The following GRID1 variants were observed in gnomAD, a reference collection of about 807,000 sequenced individuals.
GRID1 encodes glutamate receptor ionotropic, delta-1.
GRID1 carries 28 observed loss-of-function variants against 98.0 expected under a neutral mutation model. The ratio of observed to expected loss-of-function variants is 0.29; its 90% CI spans 0.21 to 0.39. The LOEUF (loss-of-function observed/expected upper bound fraction) is 0.39. Ranked by LOEUF, GRID1 falls within the 10% of genes least tolerant of loss-of-function variation. GRID1 has a pLI of 1.00. For synonymous variants in GRID1, 553 were observed against 538.5 expected (o/e 1.03, Z -0.37); for missense variants, 1,111 against 1,340.5 (o/e 0.83, Z 2.67).
chr10:85,987,829 C>T (rs1012431593), intron 4 of GRID1, among the ~76,000 whole-genome samples: 3 of 151,824 alleles, frequency 2.0e-5, no homozygotes, highest in Non-Finnish European at 4.4e-5. Flanking sequence ...CCCAGCAACA[C>T]CATTTCACAT....
intron 3 of GRID1, among the ~76,000 whole-genome samples, chr10:86,191,565 G>A (rs1195661700): frequency 6.6e-6 from 1 of 151,876 alleles, no homozygotes; most frequent in East Asian, 1.9e-4. Context: ...GCATGGTCAG[G>A]AGACTCAGGC....
At chr10:86,105,794 T>A (rs1284839349) in intron 4 of GRID1, among the ~76,000 whole-genome samples, 1 of 152,206 alleles carries the variant, frequency 6.6e-6, no homozygotes, top group Non-Finnish European at 1.5e-5. Context: ...GAGTGAAGTC[T>A]GCACCCTGAG....
At chr10:86,070,408 G>A (rs1467123603) in intron 4 of GRID1, among the ~76,000 whole-genome samples, 3 of 152,174 alleles carry the variant, frequency 2.0e-5, no homozygotes, top group Non-Finnish European at 4.4e-5. Flanking sequence ...CTTCCATAGG[G>A]AGGCTATTTC....
chr10:85,794,193 T>C (rs1286667742), intron 8 of GRID1, among the ~76,000 whole-genome samples: 8 of 152,196 alleles, frequency 5.3e-5, no homozygotes, highest in Non-Finnish European at 1.0e-4. Context: ...CTGAGGTTAT[T>C]TGGTTAGCCT....
At chr10:85,611,468 A>G (rs1842732136) in intron 15 of GRID1, among the ~76,000 whole-genome samples, 2 of 152,160 alleles carry the variant, frequency 1.3e-5, no homozygotes, top group Admixed American at 1.3e-4. Flanking sequence ...TGCAATTTTC[A>G]TCCACCTGGA....
intron 2 of GRID1, among the ~76,000 whole-genome samples, chr10:86,280,593 C>T (rs1847342852): frequency 6.6e-6 from 1 of 151,336 alleles, no homozygotes; most frequent in Non-Finnish European, 1.5e-5. Flanking sequence ...GCTTCCACCT[C>T]TCCTCCCTTC....
intron 4 of GRID1, among the ~76,000 whole-genome samples, chr10:85,935,519 G>T (rs1448913504): frequency 6.6e-6 from 1 of 152,194 alleles, no homozygotes; most frequent in African/African-American, 2.4e-5. Context: ...GCTGGGACAT[G>T]GGAGCTGCTT....
At position 86,099,317 on chromosome 10, in the gene GRID1, T is replaced by C. The variant is rs1329026595; in HGVS notation, c.726+39502A>G. Among the ~76,000 whole-genome samples, 3 of 152,168 alleles carry C rather than the reference T, an allele frequency of 2.0e-5. No individual in the cohort carries two copies. The East Asian group carries it at 5.8e-4, about 29-fold the overall frequency. ...GTGACTGCTCTATAAATCCTTCATTTCACAAACACATGCAGATGCTGTTGG... is the reference window on the plus strand; with the variant it reads ...GTGACTGCTCTATAAATCCTTCATTCCACAAACACATGCAGATGCTGTTGG... On this transcript the variant is annotated intron_variant, in intron 4 of 15. Transcript: ENST00000327946.
At chr10:85,840,761 C>A (rs1482311794) in intron 8 of GRID1, among the ~76,000 whole-genome samples, 1 of 151,992 alleles carries the variant, frequency 6.6e-6, no homozygotes, top group Non-Finnish European at 1.5e-5. Flanking sequence ...GAATAAAATA[C>A]CAAGGAATAC....
intron 2 of GRID1, among the ~76,000 whole-genome samples, chr10:86,292,934 G>A (rs1847537115): frequency 6.6e-6 from 1 of 152,128 alleles, no homozygotes; most frequent in Non-Finnish European, 1.5e-5. Flanking sequence ...AGAGATGGAT[G>A]GGGGCAGATG....
chr10:86,045,243 T>C (rs1843406561), intron 4 of GRID1, among the ~76,000 whole-genome samples: 1 of 152,204 alleles, frequency 6.6e-6, no homozygotes, highest in African/African-American at 2.4e-5. Context: ...GTTATGCAAC[T>C]ATTAATGGCA....
chr10:86,257,316 A>T (rs1305812717), intron 2 of GRID1, among the ~76,000 whole-genome samples: 1 of 152,216 alleles, frequency 6.6e-6, no homozygotes, highest in Admixed American at 6.5e-5. Flanking sequence ...AGTTTTATCA[A>T]TGACTGCAGA....
Position 86,145,547 on chromosome 10 carries a change from T to TACACACACACACACACATACAC in GRID1, c.521-6524_521-6523insGTGTATGTGTGTGTGTGTGTGT, listed in dbSNP as rs1554855905. ...TGCCCACTCCTGGACATCCTCCACA[T>TACACACACACACACACATACAC]ACACACACACACACACACACACACC... On this transcript the variant is annotated intron_variant, in intron 3 of 15. Coordinates refer to ENST00000327946, the MANE Select transcript of GRID1 (RefSeq NM_017551.3). 2.1e-4 allele frequency among the ~76,000 whole-genome samples: 31 copies of TACACACACACACACACATACAC among 145,704 alleles called. No individual in the cohort carries two copies. The South Asian group carries it at 5.4e-3, about 25-fold the overall frequency.
intron 8 of GRID1, among the ~76,000 whole-genome samples, chr10:85,737,090 T>C (rs1025004366): frequency 6.6e-6 from 1 of 152,098 alleles, no homozygotes; most frequent in Non-Finnish European, 1.5e-5. Flanking sequence ...ATCTCAGGCA[T>C]GTGTATAGGA....
intron 12 of GRID1, among the ~76,000 whole-genome samples, chr10:85,718,040 C>G (rs1841659688): frequency 6.6e-6 from 1 of 152,224 alleles, no homozygotes; most frequent in African/African-American, 2.4e-5. Context: ...AGGGTACAGC[C>G]TCCCTCATGG....
At chr10:85,716,842 A>T (rs1023863767) in intron 12 of GRID1, among the ~76,000 whole-genome samples, 1 of 152,008 alleles carries the variant, frequency 6.6e-6, no homozygotes, top group African/African-American at 2.4e-5. Context: ...AACTCAAATA[A>T]GCTAGGCACA....
In GRID1 at chr10:85,675,993, C is replaced by T. The variant is rs572157171; in HGVS notation, c.1998-28596G>A. On this transcript the variant is annotated intron_variant, in intron 12 of 15. Coordinates refer to ENST00000327946, the MANE Select transcript of GRID1 (RefSeq NM_017551.3). ...CCAAGGCCTTTGGCAAATTCTGCCT[C>T]CTGTCCTGCCTGTGTGACCAAGTGG... 4.6e-5 allele frequency among the ~76,000 whole-genome samples: 7 copies of T among 152,302 alleles called. No homozygotes were observed. The East Asian group carries it at 1.4e-3, about 29-fold the overall frequency.
intron 4 of GRID1, among the ~76,000 whole-genome samples, chr10:85,943,436 G>C (rs537553066): frequency 6.6e-6 from 1 of 152,226 alleles, no homozygotes; most frequent in African/African-American, 2.4e-5. Flanking sequence ...CCTCACCATG[G>C]AACTAGGAAG....
At chr10:85,729,664 C>T (rs1315191694) in intron 8 of GRID1, 50 bp from the exon 9 acceptor site, 2 of 1,138,640 alleles carry the variant, frequency 1.8e-6, no homozygotes, top group Non-Finnish European at 2.7e-6. Context: ...CACCCGTGCA[C>T]ACCATAGGAC....
Sources: allele counts gnomAD v4.1 joint callset (sites outside exome capture counted in the v4.1 genomes callset), GRCh38; gene constraint gnomAD v4.1.1; transcripts MANE v1.5; gene names NCBI Gene and HGNC (gene_info 2026-07-23, HGNC 2026-07-21).